The following PCDH9 variants were observed in gnomAD, a reference collection of about 807,000 sequenced individuals.
The protein encoded by PCDH9 is protocadherin 9, also known as protocadherin-9.
In PCDH9, 24 loss-of-function variants were observed where a neutral mutation model predicts 70.6. The observed-to-expected ratio is 0.34, with a 90% CI of 0.25 to 0.48. The LOEUF (loss-of-function observed/expected upper bound fraction) is 0.48. Among genes scored for constraint, PCDH9 ranks in the 20% least tolerant of loss-of-function variants. PCDH9 has a pLI of 0.99. For missense variants in PCDH9, 1,281 were observed against 1,503.6 expected (o/e 0.85, Z 2.45); for synonymous variants, 562 against 558.5 (o/e 1.01, Z -0.09).
intron 2 of PCDH9, chr13:67,224,250 G>T (rs940879714): frequency 7.2e-5 from 11 of 152,308 alleles, no homozygotes; most frequent in African/African-American, 2.4e-4. Flanking sequence ...TAGAAAGTTG[G>T]TGTGCTGAGA....
At chr13:66,561,541 C>T (rs1264082227) in intron 4 of PCDH9, among the ~76,000 whole-genome samples, 2 of 152,202 alleles carry the variant, frequency 1.3e-5, no homozygotes, top group African/African-American at 4.8e-5. Context: ...ATTGTAAATA[C>T]ATCAATCGGC....
At chr13:66,966,066 T>A (rs1019549936) in intron 2 of PCDH9, among the ~76,000 whole-genome samples, 33 of 152,068 alleles carry the variant, frequency 2.2e-4, no homozygotes, top group African/African-American at 7.7e-4. Context: ...TGCCATATTT[T>A]AAAAAAATAT....
chr13:67,076,085 A>AT (rs1391710234), intron 2 of PCDH9, among the ~76,000 whole-genome samples: 3 of 152,160 alleles, frequency 2.0e-5, no homozygotes, highest in African/African-American at 7.2e-5. Flanking sequence ...CCTTTCAACC[A>AT]TTTCAAAAAA....
chr13:66,717,497 A>G (rs368441110), intron 3 of PCDH9, among the ~76,000 whole-genome samples: 1 of 113,894 alleles, frequency 8.8e-6, no homozygotes, highest in Non-Finnish European at 1.8e-5. Context: ...ATATATATAT[A>G]TATATATATA....
intron 3 of PCDH9, among the ~76,000 whole-genome samples, chr13:66,899,153 C>T (rs185479968): frequency 1.5e-3 from 229 of 152,078 alleles, no homozygotes; most frequent in African/African-American, 5.3e-3. Context: ...TTCACTTATA[C>T]GCATTTAATG....
At chr13:67,188,365 AT>A in intron 2 of PCDH9, among the ~76,000 whole-genome samples, 1 of 152,208 alleles carries the variant, frequency 6.6e-6, no homozygotes, top group East Asian at 1.9e-4. Flanking sequence ...CAAAGTAAAG[AT>A]TTTTTTCAAA....
Position 67,021,565 on chromosome 13 carries a change from AT to A in PCDH9, c.3037-117961del, listed in dbSNP as rs573832091. On this transcript the variant is annotated intron_variant, in intron 2 of 4. Coordinates refer to ENST00000377865, the MANE Select transcript of PCDH9 (RefSeq NM_203487.3). Reference sequence around the variant, plus strand: ...CAGGCTCATGAAGGATGATGGTGTAATTTTTTTTTCTTTTGAGACGGTCTCA... The same window carrying A: ...CAGGCTCATGAAGGATGATGGTGTAATTTTTTTTCTTTTGAGACGGTCTCA... 1.7e-4 allele frequency among the ~76,000 whole-genome samples: 25 copies of A among 151,314 alleles called. No homozygotes were observed. In the South Asian group the frequency reaches 4.0e-3, roughly 24 times the overall value.
At chr13:67,207,199 A>T (rs1480801594) in intron 2 of PCDH9, 1 of 152,062 alleles carries the variant, frequency 6.6e-6, no homozygotes, top group African/African-American at 2.4e-5. Flanking sequence ...TAACCTTTAA[A>T]AAAAGGTTAA....
At chr13:67,049,161 T>C (rs1450976529) in intron 2 of PCDH9, among the ~76,000 whole-genome samples, 1 of 152,230 alleles carries the variant, frequency 6.6e-6, no homozygotes, top group Non-Finnish European at 1.5e-5. Flanking sequence ...AATACTATGC[T>C]TTCTGTACTT....
intron 2 of PCDH9, among the ~76,000 whole-genome samples, chr13:67,142,074 G>T (rs935220145): frequency 1.3e-5 from 2 of 151,904 alleles, no homozygotes; most frequent in East Asian, 1.9e-4. Flanking sequence ...ACCATCAAAA[G>T]AAAAAAATAA....
intron 2 of PCDH9, chr13:67,211,843 C>T (rs2089475063): frequency 6.6e-6 from 1 of 152,034 alleles, no homozygotes; most frequent in Non-Finnish European, 1.5e-5. Flanking sequence ...AATTTAATAT[C>T]TATGTTCCAT....
At chr13:67,164,496 C>T (rs535772921) in intron 2 of PCDH9, among the ~76,000 whole-genome samples, 43 of 150,912 alleles carry the variant, frequency 2.8e-4, no homozygotes, top group Non-Finnish European at 5.7e-4. Flanking sequence ...ATTGCTTGAA[C>T]CAGGGAGGCA....
chr13:67,186,540 T>C (rs973258490), intron 2 of PCDH9, among the ~76,000 whole-genome samples: 9 of 152,162 alleles, frequency 5.9e-5, no homozygotes, highest in South Asian at 2.1e-4. Flanking sequence ...TTCTGGTTCA[T>C]GGGTAGACTG....
At chr13:67,216,691 T>TATAC (rs2089612059) in intron 2 of PCDH9, 1 of 140,188 alleles carries the variant, frequency 7.1e-6, no homozygotes, top group Non-Finnish European at 1.6e-5. Flanking sequence ...AACATATATA[T>TATAC]ATATATATAT....
chr13:66,675,480 T>A (rs1042507447), intron 3 of PCDH9, among the ~76,000 whole-genome samples: 1 of 152,164 alleles, frequency 6.6e-6, no homozygotes, highest in Non-Finnish European at 1.5e-5. Context: ...GACGCTGCTA[T>A]GTCTCCTGCA....
At chr13:66,924,691 G>A (rs2082689480) in intron 2 of PCDH9, among the ~76,000 whole-genome samples, 1 of 151,732 alleles carries the variant, frequency 6.6e-6, no homozygotes, top group East Asian at 1.9e-4. Context: ...ATATACATGA[G>A]CATAGCTACA....
At chr13:66,439,223 G>A (rs761514637) in intron 4 of PCDH9, among the ~76,000 whole-genome samples, 25 of 151,938 alleles carry the variant, frequency 1.6e-4, no homozygotes, top group African/African-American at 2.4e-4. Flanking sequence ...CTTTTAATTC[G>A]GCTGAGTTTT....
At chr13:67,093,913 A>C (rs188146736) in intron 2 of PCDH9, among the ~76,000 whole-genome samples, 9 of 152,296 alleles carry the variant, frequency 5.9e-5, no homozygotes, top group Admixed American at 5.9e-4. Flanking sequence ...AGAAGATGAG[A>C]TAGTAGAAAA....
chr13:66,585,632 T>C (rs1357928643), intron 4 of PCDH9, among the ~76,000 whole-genome samples: 1 of 152,178 alleles, frequency 6.6e-6, no homozygotes, highest in Admixed American at 6.5e-5. Flanking sequence ...AATAGTTGCA[T>C]TGTCATAAAA....
Sources: gnomAD v4.1 joint callset for allele counts (sites outside exome capture counted in the v4.1 genomes callset) on GRCh38, gnomAD v4.1.1 for gene constraint, MANE v1.5 for transcripts, NCBI Gene and HGNC (gene_info 2026-07-23, HGNC 2026-07-21) for gene names.